ZNG1C: variants seen among roughly 807,000 people sequenced by gnomAD.
ZNG1C encodes zinc-regulated GTPase metalloprotein activator 1C.
chr9:68,281,131 A>C, the ZNG1C span, among the ~76,000 whole-genome samples: 1 of 148,158 alleles, frequency 6.7e-6, no homozygotes, highest in African/African-American at 2.5e-5. Flanking sequence ...TTCTTTGACT[A>C]GGAAAGGGAA....
the ZNG1C span, chr9:68,274,710 TAAC>T: frequency 3.1e-5 from 1 of 31,766 alleles, no homozygotes; most frequent in African/African-American, 1.1e-4. Context: ...ATTGAAGTAA[TAAC>T]CAAATAATTT....
At chr9:68,254,197 G>GT in the ZNG1C span, 1 of 48,986 alleles carries the variant, frequency 2.0e-5, no homozygotes, top group Non-Finnish European at 4.6e-5. Flanking sequence ...TATCTGTCCT[G>GT]TTTTTGATAT....
the ZNG1C span, among the ~76,000 whole-genome samples, chr9:68,285,105 G>A: frequency 0.13 from 10,407 of 79,454 alleles, no homozygotes; most frequent in Non-Finnish European, 0.19. Flanking sequence ...AGGGAAGGCC[G>A]TTGCATGACT....
the ZNG1C span, among the ~76,000 whole-genome samples, chr9:68,288,502 C>G: frequency 6.6e-6 from 1 of 151,824 alleles, no homozygotes; most frequent in Non-Finnish European, 1.5e-5. Context: ...CTCGCTCCGG[C>G]TGGAGTCTCA....
chr9:68,280,984 C>G, the ZNG1C span, among the ~76,000 whole-genome samples: 2 of 117,772 alleles, frequency 1.7e-5, no homozygotes, highest in Admixed American at 9.0e-5. Flanking sequence ...TAGCAATCAG[C>G]GAGACTCCGT....
At chr9:68,296,653 A>G in the ZNG1C span, among the ~76,000 whole-genome samples, 1 of 152,068 alleles carries the variant, frequency 6.6e-6, no homozygotes, top group Non-Finnish European at 1.5e-5. Flanking sequence ...GCTTTAGTAT[A>G]TTATTTTCTA....
At chr9:68,276,660 C>G in the ZNG1C span, among the ~76,000 whole-genome samples, 1 of 101,322 alleles carries the variant, frequency 9.9e-6, no homozygotes, top group South Asian at 3.4e-4. Context: ...TTCCATTGAT[C>G]TATATCTCTG....
At chr9:68,261,985 A>T in the ZNG1C span, among the ~76,000 whole-genome samples, 1 of 35,304 alleles carries the variant, frequency 2.8e-5, no homozygotes, top group East Asian at 3.4e-4. Flanking sequence ...AAGTCATCTG[A>T]CTTAATGACC....
At chr9:68,268,412 C>T in the ZNG1C span, among the ~76,000 whole-genome samples, 34 of 152,052 alleles carry the variant, frequency 2.2e-4, no homozygotes, top group Admixed American at 9.2e-4. Flanking sequence ...AGGGAACTGA[C>T]GAGGTTATTC....
the ZNG1C span, among the ~76,000 whole-genome samples, chr9:68,264,820 A>ATT: frequency 0.23 from 8,949 of 38,784 alleles, 1,425 homozygotes; most frequent in Middle Eastern, 0.29. Flanking sequence ...GGGATTGAAG[A>ATT]TTATATATAT....
chr9:68,255,905 A>G, the ZNG1C span, among the ~76,000 whole-genome samples: 1 of 151,894 alleles, frequency 6.6e-6, no homozygotes, highest in Non-Finnish European at 1.5e-5. Flanking sequence ...AAGAACGGAC[A>G]TTGATTCAGC....
chr9:68,244,247 C>G, the ZNG1C span, among the ~76,000 whole-genome samples: 1 of 87,452 alleles, frequency 1.1e-5, no homozygotes, highest in East Asian at 2.3e-4. Flanking sequence ...ACATCACTGC[C>G]CTGTGAAACA....
the ZNG1C span, among the ~76,000 whole-genome samples, chr9:68,264,818 A>G: frequency 9.9e-5 from 3 of 30,224 alleles, no homozygotes; most frequent in South Asian, 5.0e-3. Flanking sequence ...TTGGGATTGA[A>G]GATTATATAT....
At chr9:68,257,506 C>A in the ZNG1C span, among the ~76,000 whole-genome samples, 2 of 50,868 alleles carry the variant, frequency 3.9e-5, 1 homozygote, top group Non-Finnish European at 9.0e-5. Context: ...TGTCACTCAA[C>A]TTCCAATTTA....
At chr9:68,284,948 C>T in the ZNG1C span, among the ~76,000 whole-genome samples, 5 of 149,826 alleles carry the variant, frequency 3.3e-5, no homozygotes, top group African/African-American at 1.2e-4. Context: ...AGTCATTGTC[C>T]AACAACATTA....
At chr9:68,248,901 A>C in the ZNG1C span, 2 of 412,934 alleles carry the variant, frequency 4.8e-6, no homozygotes, top group South Asian at 4.8e-5. Context: ...GACCCTGGTA[A>C]GAAGTGAGAT....
the ZNG1C span, among the ~76,000 whole-genome samples, chr9:68,290,401 T>C: frequency 2.0e-5 from 1 of 49,104 alleles, no homozygotes; most frequent in Non-Finnish European, 4.7e-5. Flanking sequence ...GAAACCCCAT[T>C]TCTGCAAAAA....
the ZNG1C span, among the ~76,000 whole-genome samples, chr9:68,244,528 A>G: frequency 8.0e-6 from 1 of 125,376 alleles, no homozygotes; most frequent in African/African-American, 3.3e-5. Context: ...TATAGCCTAC[A>G]TGTAAAAGTT....
At chr9:68,247,530 C>A in the ZNG1C span, 179 of 1,549,112 alleles carry the variant, frequency 1.2e-4, 3 homozygotes, top group East Asian at 1.4e-3. Flanking sequence ...GCTTTAAGAT[C>A]TCCATTATTG....
Sources: gnomAD v4.1 joint callset for allele counts (sites outside exome capture counted in the v4.1 genomes callset) on GRCh38, gnomAD v4.1.1 for gene constraint, MANE v1.5 for transcripts, NCBI Gene and HGNC (gene_info 2026-07-23, HGNC 2026-07-21) for gene names.